The following TRMT44 variants were observed in gnomAD, a reference collection of about 807,000 sequenced individuals.
TRMT44 encodes probable tRNA (uracil-O(2)-)-methyltransferase.
A neutral mutation model predicts 77.3 loss-of-function variants in TRMT44; 78 were observed. The ratio of observed to expected loss-of-function variants is 1.01; its 90% CI spans 0.84 to 1.22. The LOEUF (loss-of-function observed/expected upper bound fraction) is 1.22, where lower values mean the gene tolerates loss of function less well. Among genes scored for constraint, TRMT44 ranks in the 50% most tolerant of loss-of-function variants. The pLI, the probability that TRMT44 is intolerant of heterozygous loss-of-function variation, is 0.00. For synonymous variants in TRMT44, 391 were observed against 383.3 expected, an observed-to-expected ratio of 1.02 and a Z score of -0.23; for missense variants, 1,090 against 964.4, an observed-to-expected ratio of 1.13 and a Z score of -1.73.
chr4:8,467,136 G>A (rs1487914814), intron 8 of TRMT44, among the ~76,000 whole-genome samples: 1 of 152,224 alleles, frequency 6.6e-6, no homozygotes, highest in African/African-American at 2.4e-5. Flanking sequence ...CACCTCTATG[G>A]CTCCAGGCCC....
At chr4:8,501,882 C>T in the TRMT44 span, among the ~76,000 whole-genome samples, 14 of 152,292 alleles carry the variant, frequency 9.2e-5, no homozygotes, top group African/African-American at 3.4e-4. This position sits in a 1 kb window ranked among gnomAD's most constrained non-coding sequence, Gnocchi z 4.4. Context: ...CCAGAAGTTG[C>T]TCTTGGTCCT....
chr4:8,477,090 C>G (rs1190879084), downstream of TRMT44: 2 of 152,258 alleles, frequency 1.3e-5, no homozygotes, highest in African/African-American at 4.8e-5. Context: ...CAAAAGGTCA[C>G]ATGCAGTCCA....
At chr4:8,482,864 A>G (rs1288983531) in intron 2 of TRMT44, among the ~76,000 whole-genome samples, 8 of 142,174 alleles carry the variant, frequency 5.6e-5, no homozygotes, top group Admixed American at 1.4e-4. Context: ...TTATAATAAT[A>G]AGAAAAATAA....
At chr4:8,486,677 C>T (rs569974517) in intron 2 of TRMT44, among the ~76,000 whole-genome samples, 147 of 152,080 alleles carry the variant, frequency 9.7e-4, no homozygotes, top group African/African-American at 3.3e-3. Context: ...AGAGCCTAAA[C>T]GCTATCTGAT....
chr4:8,441,510 A>G, intron 1 of TRMT44, 69 bp downstream of exon 1: 2 of 1,429,102 alleles, frequency 1.4e-6, no homozygotes, highest in Non-Finnish European at 1.8e-6. Context: ...CGGGTCAATG[A>G]AAAAGTCCTA....
Position 8,449,731 on chromosome 4 carries a change from A to C in TRMT44, c.797A>C (p.Lys266Thr). Residue 266 changes from lysine to threonine, a missense_variant, in exon 3 of 11, where the codon AAA becomes ACA. Lys to Thr is a moderately conservative substitution (Grantham distance 78). Transcript: ENST00000389737. ...RWHSDGIVYP[K>T]PTWLGEELLA... ...CATTCAGATGGAATCGTGTATCCCA[A>C]ACCCACGTGGCTTGGAGAAGAGTTG... 6.5e-7 allele frequency: 1 copy of C among 1,536,104 alleles called. No homozygotes were observed. The highest frequency in any genetic ancestry group is 8.7e-7 in the Non-Finnish European group (1 of 1,146,918).
At position 8,440,829 on chromosome 4, in the gene TRMT44, G is replaced by C; in HGVS notation, c.7G>C (p.Glu3Gln). The change falls in exon 1 of 11, where the codon GAG becomes CAG. Residue 3 changes from glutamate (E) to glutamine (Q), a missense_variant. Coordinates refer to ENST00000389737, the MANE Select transcript of TRMT44 (RefSeq NM_152544.3). MAEVGRTGISYPG... is the reference protein window; with the variant it reads MAQVGRTGISYPG... ...TGTACACCTGCTGGCTGCCATGGCT[G>C]AGGTGGGCCGTACCGGGATCAGCTA... The C allele has an allele frequency of 6.7e-7, 1 of 1,482,924 alleles. No individual in the cohort carries two copies. The highest frequency in any genetic ancestry group is 8.9e-7 in the Non-Finnish European group (1 of 1,120,288). 91.9% of individuals were successfully genotyped at this position (1,482,924 alleles called of 1,614,324 possible). A position where few individuals can be genotyped will look rare whatever the true frequency, so the allele number is the denominator to read the frequency against.
the TRMT44 span, among the ~76,000 whole-genome samples, chr4:8,511,657 T>A: frequency 6.6e-6 from 1 of 152,134 alleles, no homozygotes; most frequent in African/African-American, 2.4e-5. Flanking sequence ...CAATCAAGGC[T>A]TCTAAAAGCA....
chr4:8,472,711 C>CG (rs2109186568), intron 10 of TRMT44, among the ~76,000 whole-genome samples: 2 of 152,268 alleles, frequency 1.3e-5, no homozygotes, highest in African/African-American at 4.8e-5. Flanking sequence ...CTGTGTTTCT[C>CG]GGGGCAGGCG....
intron 2 of TRMT44, among the ~76,000 whole-genome samples, chr4:8,491,071 T>A (rs898862415): frequency 6.6e-6 from 1 of 151,156 alleles, no homozygotes; most frequent in South Asian, 2.1e-4. Flanking sequence ...AGAGTGCCGA[T>A]TGGTGTATTT....
intron 10 of TRMT44, among the ~76,000 whole-genome samples, chr4:8,472,173 G>A (rs1727049951): frequency 6.6e-6 from 1 of 152,240 alleles, no homozygotes; most frequent in African/African-American, 2.4e-5. Flanking sequence ...GTGATGTGCA[G>A]GGAGAACTGG....
At chr4:8,455,958 T>A (rs1725782820) in intron 6 of TRMT44, among the ~76,000 whole-genome samples, 1 of 152,174 alleles carries the variant, frequency 6.6e-6, no homozygotes, top group African/African-American at 2.4e-5. Flanking sequence ...GTTAGATATG[T>A]CCTGAATGCA....
At chr4:8,507,855 C>A in the TRMT44 span, among the ~76,000 whole-genome samples, 11 of 152,212 alleles carry the variant, frequency 7.2e-5, no homozygotes, top group African/African-American at 2.7e-4. Flanking sequence ...CCCAGGCCCC[C>A]TGGGAAGCTT....
the TRMT44 span, among the ~76,000 whole-genome samples, chr4:8,504,779 C>T: frequency 6.6e-6 from 1 of 152,214 alleles, no homozygotes; most frequent in Non-Finnish European, 1.5e-5. This position sits in a 1 kb window ranked among gnomAD's most constrained non-coding sequence, Gnocchi z 5.3. Context: ...CTGCAAACTG[C>T]ACTCCATGGT....
the TRMT44 span, among the ~76,000 whole-genome samples, chr4:8,516,373 C>T: frequency 6.6e-6 from 1 of 152,338 alleles, no homozygotes; most frequent in Admixed American, 6.5e-5. Context: ...GAGGAGCTGA[C>T]TCGCCCAAGA....
rs994644599 is a variant in TRMT44 at position 8,465,461 on chromosome 4, A to C, written c.1394A>C (p.Lys465Thr). The change falls in exon 8 of 11, where the codon AAG (lysine) becomes ACG (threonine). Residue 465 changes from lysine (K) to threonine (T), a missense_variant. Physicochemically the swap from Lys to Thr is moderately conservative, Grantham distance 78. Transcript: ENST00000389737. The stretch of plus-strand genomic sequence containing the variant: ...AGATACTCCCGGAGGCAGAGTAAGA[A>C]GACTCAGTACCGGGAATACCTTGAC... The part of the protein sequence containing the change: ...IGRYSRRQSK[K>T]TQYREYLDFI... 4.3e-6 allele frequency: 7 copies of C among 1,614,054 alleles called. No homozygotes were observed. Among genetic ancestry groups the C allele is most frequent in the Non-Finnish European group, 5.9e-6 (7 of 1,180,038 alleles).
chr4:8,450,980 T>C (rs1286718700), intron 3 of TRMT44, among the ~76,000 whole-genome samples: 1 of 149,586 alleles, frequency 6.7e-6, no homozygotes, highest in Non-Finnish European at 1.5e-5. Context: ...GAGACAAAGT[T>C]TTGCCATGTT....
intron 10 of TRMT44, among the ~76,000 whole-genome samples, chr4:8,472,500 C>T (rs1021174832): frequency 6.6e-6 from 1 of 152,218 alleles, no homozygotes; most frequent in African/African-American, 2.4e-5. Flanking sequence ...GTGTCTGGCT[C>T]TCTGGGTGTG....
intron 10 of TRMT44, among the ~76,000 whole-genome samples, chr4:8,474,635 G>T (rs1727245978): frequency 6.6e-6 from 1 of 152,242 alleles, no homozygotes; most frequent in Non-Finnish European, 1.5e-5. Context: ...ACACTTTCAA[G>T]TTCTCTTTGG....
Sources: allele counts gnomAD v4.1 joint callset (sites outside exome capture counted in the v4.1 genomes callset), GRCh38; gene constraint gnomAD v4.1.1; non-coding constraint Gnocchi (gnomAD v3.1); transcripts MANE v1.5; gene names NCBI Gene and HGNC (gene_info 2026-07-23, HGNC 2026-07-21).